M1AP: variants seen among roughly 807,000 people sequenced by gnomAD.
The protein encoded by M1AP is meiosis 1 associated protein, also known as meiosis 1 arrest protein.
Under a neutral mutation model 51.2 loss-of-function variants are expected in M1AP, and 39 were observed. The ratio of observed to expected loss-of-function variants is 0.76; its 90% CI spans 0.59 to 1.00. The LOEUF is 1.00. M1AP is among the 50% of genes least tolerant of loss of function. The probability of loss-of-function intolerance (pLI) is 0.00; values close to 1 mark genes in which losing one functional copy is unlikely to be tolerated. For synonymous variants in M1AP, 251 were observed against 249.2 expected (o/e 1.01, Z -0.07); for missense variants, 545 against 641.2 (o/e 0.85, Z 1.62).
chr2:74,563,217 A>G (rs756764555), intron 7 of M1AP, among the ~76,000 whole-genome samples: 24 of 152,178 alleles, frequency 1.6e-4, no homozygotes, highest in Non-Finnish European at 3.1e-4. Context: ...TCTACAAAAA[A>G]TTAAATAAAT....
intron 1 of M1AP, chr2:74,647,184 T>C (rs902859971): frequency 1.0e-6 from 1 of 979,170 alleles, no homozygotes; most frequent in Non-Finnish European, 1.2e-6. Context: ...TCCAATATCT[T>C]TACCCTGGCC....
intron 1 of M1AP, among the ~76,000 whole-genome samples, chr2:74,642,441 G>A (rs1683350492): frequency 6.6e-6 from 1 of 152,164 alleles, no homozygotes; most frequent in South Asian, 2.1e-4. Flanking sequence ...CAGCATTTGT[G>A]CATGATAAAG....
At chr2:74,613,247 G>T (rs1449333631) in intron 3 of M1AP, among the ~76,000 whole-genome samples, 1 of 152,060 alleles carries the variant, frequency 6.6e-6, no homozygotes. Flanking sequence ...AAATTCTGTG[G>T]TCTGAGAATT....
At chr2:74,561,267 G>GAAA (rs1281900307) in intron 8 of M1AP, among the ~76,000 whole-genome samples, 1 of 147,730 alleles carries the variant, frequency 6.8e-6, no homozygotes, top group African/African-American at 2.5e-5. Context: ...AGGAGAAGAA[G>GAAA]AAAAAGAAGG....
chr2:74,603,569 G>T (rs903892711), intron 4 of M1AP, among the ~76,000 whole-genome samples: 12 of 152,180 alleles, frequency 7.9e-5, no homozygotes, highest in African/African-American at 2.9e-4. Flanking sequence ...GTAGGGTTTG[G>T]CTGGAAGAGA....
intron 1 of M1AP, 41 bp downstream of exon 1, chr2:74,648,224 T>G: frequency 1.0e-6 from 1 of 969,194 alleles, no homozygotes; most frequent in Non-Finnish European, 1.2e-6. Context: ...TGCCGGCTGC[T>G]CTCGGGCTGC....
intron 2 of M1AP, among the ~76,000 whole-genome samples, chr2:74,638,994 AT>A (rs541754410): frequency 1.3e-5 from 2 of 152,224 alleles, no homozygotes; most frequent in Non-Finnish European, 2.9e-5. Context: ...CTAAGTAACA[AT>A]GCACAGACAA....
chr2:74,561,154 A>AAGGAGGAGGAGGAGG (rs1558643737), intron 8 of M1AP, among the ~76,000 whole-genome samples: 2 of 12,788 alleles, frequency 1.6e-4, no homozygotes, highest in Non-Finnish European at 3.8e-4. Context: ...GGAGGAGGAG[A>AAGGAGGAGGAGGAGG]AGGAGGAGGA....
At chr2:74,595,192 T>A (rs1680259612) in intron 4 of M1AP, among the ~76,000 whole-genome samples, 1 of 152,112 alleles carries the variant, frequency 6.6e-6, no homozygotes, top group African/African-American at 2.4e-5. Context: ...ATTTTTTGAT[T>A]TTTTTGTAGA....
chr2:74,643,630 G>A (rs1030815167), intron 1 of M1AP, among the ~76,000 whole-genome samples: 4 of 143,052 alleles, frequency 2.8e-5, no homozygotes, highest in African/African-American at 5.3e-5. Context: ...TCGCTCCATC[G>A]CCCAGGCTGG....
intron 2 of M1AP, chr2:74,628,380 G>C (rs1682520874): frequency 5.3e-6 from 2 of 375,436 alleles, no homozygotes; most frequent in African/African-American, 2.1e-5. Flanking sequence ...TACAAGATAC[G>C]AGGTAGCCAT....
chr2:74,603,813 T>A (rs1680810429), intron 4 of M1AP, among the ~76,000 whole-genome samples: 1 of 152,054 alleles, frequency 6.6e-6, no homozygotes, highest in African/African-American at 2.4e-5. Context: ...ACCACACCCT[T>A]AGTAACCAAC....
At chr2:74,559,214 A>G (rs1357677137) in intron 10 of M1AP, among the ~76,000 whole-genome samples, 1 of 151,584 alleles carries the variant, frequency 6.6e-6, no homozygotes, top group Non-Finnish European at 1.5e-5. Flanking sequence ...GCTGGAGTGC[A>G]GTGGCACAAT....
chr2:74,559,774 G>A (rs1677777967), intron 9 of M1AP, 65 bp from the exon 10 acceptor site: 4 of 714,710 alleles, frequency 5.6e-6, no homozygotes, highest in Admixed American at 2.1e-5. Flanking sequence ...CAAATGACTG[G>A]TGCTCTATAA....
rs1297473356 is a variant in M1AP at position 74,640,223 on chromosome 2, T to A, written c.53A>T (p.Asp18Val). The part of the protein sequence containing the change: ...GKGPSTHTQI[D>V]QQPPRLLIVH... ...AATGAGAAGCCGTGGAGGTTGCTGG[T>A]CAATCTGAGTGTGAGTAGAGGGCCC... Residue 18 changes from aspartate (D) to valine (V), a missense_variant, in exon 2 of 11, where the codon GAC (aspartate) becomes GTC (valine). Transcript: ENST00000421985. 1 of 1,613,978 alleles carries A rather than the reference T, an allele frequency of 6.2e-7. No individual in the cohort carries two copies. The highest frequency in any genetic ancestry group is 1.3e-5 in the African/African-American group (1 of 74,894).
intron 4 of M1AP, among the ~76,000 whole-genome samples, chr2:74,603,027 G>C (rs1248544419): frequency 6.6e-6 from 1 of 152,154 alleles, no homozygotes; most frequent in East Asian, 1.9e-4. Flanking sequence ...ATCTGTCACT[G>C]GCCAAAGAGA....
chr2:74,592,375 T>G (rs1001306026), intron 4 of M1AP, among the ~76,000 whole-genome samples: 1 of 152,192 alleles, frequency 6.6e-6, no homozygotes, highest in Non-Finnish European at 1.5e-5. Context: ...TAGTCTTAAT[T>G]ATCATTTCTC....
chr2:74,563,875 A>G (rs1006572601), intron 7 of M1AP, among the ~76,000 whole-genome samples: 2 of 152,224 alleles, frequency 1.3e-5, no homozygotes, highest in African/African-American at 4.8e-5. Flanking sequence ...TGAGCCATGA[A>G]AATGAGGCAA....
intron 4 of M1AP, among the ~76,000 whole-genome samples, chr2:74,589,483 T>A (rs1679915833): frequency 6.6e-6 from 1 of 152,234 alleles, no homozygotes; most frequent in Non-Finnish European, 1.5e-5. Flanking sequence ...TCTTTTTCTT[T>A]GTAGCTCTTA....
Sources: allele counts gnomAD v4.1 joint callset (sites outside exome capture counted in the v4.1 genomes callset), GRCh38; gene constraint gnomAD v4.1.1; transcripts MANE v1.5; gene names NCBI Gene and HGNC (gene_info 2026-07-23, HGNC 2026-07-21).